The following DGKB variants were observed in gnomAD, a reference collection of about 807,000 sequenced individuals.
DGKB encodes 90 kDa diacylglycerol kinase.
A neutral mutation model predicts 114.3 loss-of-function variants in DGKB; 67 were observed. The observed-to-expected ratio is 0.59, with a 90% CI of 0.48 to 0.72. DGKB has a LOEUF of 0.72. Among genes scored for constraint, DGKB ranks in the 30% least tolerant of loss-of-function variants. The probability of loss-of-function intolerance (pLI) is 0.00; values close to 1 mark genes in which losing one functional copy is unlikely to be tolerated. For synonymous variants in DGKB, 398 were observed against 323.1 expected (o/e 1.23, Z -2.49); for missense variants, 907 against 975.2 (o/e 0.93, Z 0.93).
At chr7:14,519,025 C>T (rs11505396) in intron 20 of DGKB, among the ~76,000 whole-genome samples, 65,590 of 151,744 alleles carry the variant, frequency 0.43, 14,999 homozygotes, top group East Asian at 0.72. Flanking sequence ...ACCCTACACA[C>T]GGAGTTTTTT....
At chr7:14,665,207 C>G (rs1817819152) in intron 13 of DGKB, among the ~76,000 whole-genome samples, 1 of 151,852 alleles carries the variant, frequency 6.6e-6, no homozygotes, top group Non-Finnish European at 1.5e-5. Flanking sequence ...CCTTGCTCTT[C>G]AAGATCGATC....
chr7:14,751,138 A>C (rs1834070646), intron 4 of DGKB, among the ~76,000 whole-genome samples: 1 of 152,112 alleles, frequency 6.6e-6, no homozygotes, highest in African/African-American at 2.4e-5. Flanking sequence ...AATGATGAAA[A>C]AGCACAAGTA....
intron 2 of DGKB, among the ~76,000 whole-genome samples, chr7:14,823,637 A>G (rs988446915): frequency 6.6e-6 from 1 of 152,180 alleles, no homozygotes; most frequent in Non-Finnish European, 1.5e-5. Context: ...AACAATGTTT[A>G]GAATTTGTTA....
intron 23 of DGKB, among the ~76,000 whole-genome samples, chr7:14,230,917 T>C (rs1326864673): frequency 1.3e-5 from 2 of 152,088 alleles, no homozygotes; most frequent in Admixed American, 6.6e-5. Context: ...AAGACTATTA[T>C]AAATATTTTC....
intron 1 of DGKB, among the ~76,000 whole-genome samples, chr7:14,881,317 C>A (rs1350899995): frequency 6.6e-6 from 1 of 152,122 alleles, no homozygotes; most frequent in Non-Finnish European, 1.5e-5. Flanking sequence ...TGAATTATTT[C>A]CATAGTCCTG....
At chr7:14,157,956 A>C (rs1441380956) in intron 25 of DGKB, among the ~76,000 whole-genome samples, 36 of 152,204 alleles carry the variant, frequency 2.4e-4, no homozygotes, top group Admixed American at 2.3e-3. Context: ...AAAATTTTCT[A>C]TATGGCCTTT....
In DGKB at chr7:14,685,272, C is replaced by G. The variant is rs774549823; in HGVS notation, c.802G>C (p.Val268Leu). 1 of 1,613,608 alleles carries G rather than the reference C, an allele frequency of 6.2e-7. No individual in the cohort carries two copies. The highest frequency in any genetic ancestry group is 1.7e-5 in the Admixed American group (1 of 60,016). ...GAACAGCAGAGGCCCTGCTTCCCCA[C>G]GCCAATCAGCATGTTCAGGCAAAGG... The part of the protein sequence containing the change: ...CNLCLNMLIG[V>L]GKQGLCCSFC... The change falls in exon 10 of 26, where the codon GTG (valine) becomes CTG (leucine). Residue 268 changes from valine (V) to leucine (L), a missense_variant. By Grantham distance (32) the Val-to-Leu change is conservative. Around this residue, in one of 3 missense-constraint regions of DGKB, gnomAD observed 814 missense variants for 856.6 expected, o/e 0.95. Transcript: ENST00000402815.
chr7:14,537,742 C>T (rs1007814380), intron 20 of DGKB, among the ~76,000 whole-genome samples: 1 of 152,118 alleles, frequency 6.6e-6, no homozygotes, highest in Non-Finnish European at 1.5e-5. Context: ...ACAATGATTA[C>T]TTCGATGTGG....
chr7:14,194,015 T>C (rs573298187), intron 23 of DGKB, among the ~76,000 whole-genome samples: 51 of 152,250 alleles, frequency 3.3e-4, no homozygotes, highest in African/African-American at 9.6e-4. Context: ...TCATTCCAAT[T>C]AGACTGGTGG....
intron 20 of DGKB, among the ~76,000 whole-genome samples, chr7:14,515,107 C>A (rs1459986745): frequency 6.6e-6 from 1 of 152,118 alleles, no homozygotes; most frequent in Non-Finnish European, 1.5e-5. Context: ...CTGAGACGTT[C>A]TCTGAATAAT....
intron 23 of DGKB, among the ~76,000 whole-genome samples, chr7:14,199,758 C>G (rs1163552914): frequency 6.6e-6 from 1 of 151,998 alleles, no homozygotes; most frequent in Non-Finnish European, 1.5e-5. Flanking sequence ...AAGTATGTTA[C>G]TATGTTATTG....
chr7:14,560,420 G>C (rs889389847), intron 20 of DGKB, among the ~76,000 whole-genome samples: 3 of 152,160 alleles, frequency 2.0e-5, no homozygotes, highest in African/African-American at 7.2e-5. Flanking sequence ...TTATGAATTT[G>C]ACCATTTTAT....
intron 1 of DGKB, among the ~76,000 whole-genome samples, chr7:14,854,848 G>C (rs1165934768): frequency 6.6e-6 from 1 of 152,060 alleles, no homozygotes; most frequent in Non-Finnish European, 1.5e-5. Flanking sequence ...AATAAAATTG[G>C]TCTACTCTGT....
chr7:14,660,835 G>T (rs1397999896), intron 13 of DGKB, among the ~76,000 whole-genome samples: 1 of 152,038 alleles, frequency 6.6e-6, no homozygotes, highest in Non-Finnish European at 1.5e-5. Flanking sequence ...CAAACAGCAT[G>T]CTACTGGTAC....
rs1191975796 is a variant in DGKB at position 14,448,851 on chromosome 7, C to T, written c.1835+29310G>A. The stretch of plus-strand genomic sequence containing the variant: ...TATTACACTATCAAAGTGAGGGAAC[C>T]GAGTCAGATTTTAAGATTAATTTGA... On this transcript the variant is annotated intron_variant, in intron 21 of 25. Coordinates refer to ENST00000402815, the MANE Select transcript of DGKB (RefSeq NM_001350709.2). 5.3e-5 allele frequency among the ~76,000 whole-genome samples: 8 copies of T among 151,870 alleles called. No homozygotes were observed. In the East Asian group the frequency reaches 7.8e-4, roughly 15 times the overall value.
At chr7:14,460,889 A>C (rs1172296282) in intron 21 of DGKB, among the ~76,000 whole-genome samples, 1 of 151,974 alleles carries the variant, frequency 6.6e-6, no homozygotes, top group African/African-American at 2.4e-5. Context: ...AAGAACGGAA[A>C]TCATAACAGT....
intron 4 of DGKB, among the ~76,000 whole-genome samples, chr7:14,752,300 A>G (rs1171311757): frequency 6.7e-6 from 1 of 150,232 alleles, no homozygotes; most frequent in Admixed American, 6.6e-5. Flanking sequence ...CAGCAGCACT[A>G]CAAAAGGTAG....
At position 14,607,473 on chromosome 7, in the gene DGKB, C is replaced by G. The variant is rs751382500; in HGVS notation, c.1394G>C (p.Arg465Pro). Residue 465 changes from arginine (R) to proline (P), a missense_variant, in exon 17 of 26, where the codon CGT becomes CCT. Around this residue, in one of 3 missense-constraint regions of DGKB, gnomAD observed 814 missense variants for 856.6 expected, o/e 0.95. Coordinates refer to ENST00000402815, the MANE Select transcript of DGKB (RefSeq NM_001350709.2). ...ATTTCCAGAAAGACTGTAAACCTGA[C>G]GAGGATTTAATAGATACTGGAATTT... Reference protein sequence around the residue: ...YRKFQYLLNPRQVYSLSGNGP... With the variant: ...YRKFQYLLNPPQVYSLSGNGP... 6.3e-7 allele frequency: 1 copy of G among 1,588,284 alleles called. No individual in the cohort carries two copies. Among genetic ancestry groups the G allele is most frequent in the Non-Finnish European group, 8.6e-7 (1 of 1,159,460 alleles).
At chr7:14,294,649 C>A (rs1381848010) in intron 23 of DGKB, among the ~76,000 whole-genome samples, 2 of 152,126 alleles carry the variant, frequency 1.3e-5, no homozygotes, top group African/African-American at 2.4e-5. Context: ...TTGTAATTAA[C>A]CAAATATAGA....
Sources: gnomAD v4.1 joint callset for allele counts (sites outside exome capture counted in the v4.1 genomes callset) on GRCh38, gnomAD v4.1.1 for gene constraint, gnomAD v4.1.1 regional missense constraint, MANE v1.5 for transcripts, NCBI Gene and HGNC (gene_info 2026-07-23, HGNC 2026-07-21) for gene names.